The following GLG1 variants were observed in gnomAD, a reference collection of about 807,000 sequenced individuals.
The protein encoded by GLG1 is golgi glycoprotein 1, also known as Golgi apparatus protein 1.
In GLG1, 38 loss-of-function variants were observed where a neutral mutation model predicts 160.5. That is an observed-to-expected ratio of 0.24 (90% CI 0.18 to 0.31). The LOEUF (loss-of-function observed/expected upper bound fraction) is 0.31, where lower values mean the gene tolerates loss of function less well. Among genes scored for constraint, GLG1 ranks in the 10% least tolerant of loss-of-function variants. GLG1 has a pLI of 1.00. For missense variants in GLG1, 1,373 were observed against 1,505.2 expected (o/e 0.91, Z 1.45); for synonymous variants, 644 against 543.4 (o/e 1.19, Z -2.57).
intron 4 of GLG1, among the ~76,000 whole-genome samples, chr16:74,502,906 G>A (rs1417088858): frequency 6.7e-6 from 1 of 150,334 alleles, no homozygotes; most frequent in Non-Finnish European, 1.5e-5. Context: ...GACATATGCA[G>A]AGAAAGATTA....
At chr16:74,498,434 A>AC (rs71158520) in intron 4 of GLG1, among the ~76,000 whole-genome samples, 1 of 11,632 alleles carries the variant, frequency 8.6e-5, no homozygotes, top group Non-Finnish European at 1.6e-4. Flanking sequence ...GCTCTGTCTC[A>AC]AAAAAAAAAA....
Position 74,496,581 on chromosome 16 carries a change from C to T in GLG1, c.838G>A (p.Glu280Lys). ...LEKGLVKEAE[E>K]REPKIQVSEL... is the part of the protein sequence containing the mutation. ...GAAACTTGAATCTTGGGTTCTCTTTCTTCTGCTTCTTTCACCAGGCCTTTC... is the reference window on the plus strand; with the variant it reads ...GAAACTTGAATCTTGGGTTCTCTTTTTTCTGCTTCTTTCACCAGGCCTTTC... Residue 280 changes from glutamate (E) to lysine (K), a missense_variant, in exon 5 of 26, where the codon GAA (glutamate) becomes AAA (lysine). Glu to Lys is a moderately conservative substitution (Grantham distance 56). Transcript: ENST00000422840. 1.2e-6 allele frequency: 2 copies of T among 1,613,526 alleles called. No homozygotes were observed. The highest frequency in any genetic ancestry group is 8.5e-7 in the Non-Finnish European group (1 of 1,179,560).
chr16:74,567,419 T>C (rs938042732), intron 1 of GLG1, among the ~76,000 whole-genome samples: 1 of 152,168 alleles, frequency 6.6e-6, no homozygotes, highest in Non-Finnish European at 1.5e-5. Flanking sequence ...ATTCTAATGA[T>C]AGAAGCAAAT....
At position 74,534,338 on chromosome 16, in the gene GLG1, T is replaced by C. The variant is rs564369344; in HGVS notation, c.439-2185A>G. Among the ~76,000 whole-genome samples, 4 of 151,804 alleles carry C rather than the reference T, an allele frequency of 2.6e-5. No homozygotes were observed. In the East Asian group the frequency reaches 5.8e-4, roughly 22 times the overall value. On this transcript the variant is annotated intron_variant, in intron 1 of 25. Transcript: ENST00000422840. ...GAATGCTTTTTCTTAGACAGTTTTC[T>C]ACACTATCCTTTTAAAATCTATCCT...
rs533005185 is a variant in GLG1, at chr16:74,599,366, C to T, written c.438+7291G>A. Among the ~76,000 whole-genome samples the T allele has an allele frequency of 3.9e-5, 6 of 152,304 alleles. No individual in the cohort carries two copies. In the South Asian group the frequency reaches 6.2e-4, roughly 16 times the overall value. On this transcript the variant is annotated intron_variant, in intron 1 of 25. Coordinates refer to ENST00000422840, the MANE Select transcript of GLG1 (RefSeq NM_001145667.2). Reference sequence around the variant, plus strand: ...ACCTGTGCTACGACTCTCTTGCACACGTTTTGTATTCCCACAGATCACAAA... The same window carrying T: ...ACCTGTGCTACGACTCTCTTGCACATGTTTTGTATTCCCACAGATCACAAA...
At chr16:74,597,248 T>C (rs763602727) in intron 1 of GLG1, among the ~76,000 whole-genome samples, 1 of 149,624 alleles carries the variant, frequency 6.7e-6, no homozygotes, top group Non-Finnish European at 1.5e-5. Flanking sequence ...ATGTCCAACA[T>C]GGCGAAACCC....
At chr16:74,469,537 A>T (rs529479314) in intron 16 of GLG1, 27 of 184,100 alleles carry the variant, frequency 1.5e-4, no homozygotes, top group Admixed American at 1.1e-3. Flanking sequence ...GAAAAAGCTC[A>T]TCAGTTTCCT....
At chr16:74,478,323 A>C (rs370859836) in intron 11 of GLG1, among the ~76,000 whole-genome samples, 2 of 152,194 alleles carry the variant, frequency 1.3e-5, no homozygotes, top group African/African-American at 2.4e-5. Flanking sequence ...TAGATATAAC[A>C]TTATGAGATA....
At chr16:74,482,049 A>G (rs1000309608) in intron 10 of GLG1, among the ~76,000 whole-genome samples, 2 of 151,764 alleles carry the variant, frequency 1.3e-5, no homozygotes, top group African/African-American at 2.4e-5. Flanking sequence ...CGGACTCCCA[A>G]AGTGCTGGGA....
intron 1 of GLG1, among the ~76,000 whole-genome samples, chr16:74,544,532 A>C (rs1284194931): frequency 2.0e-5 from 3 of 151,192 alleles, no homozygotes; most frequent in Non-Finnish European, 4.4e-5. Flanking sequence ...TTTGAAATGG[A>C]GTCTCACTCT....
intron 1 of GLG1, among the ~76,000 whole-genome samples, chr16:74,559,482 T>TG (rs1327988989): frequency 5.5e-5 from 6 of 108,660 alleles, no homozygotes; most frequent in South Asian, 3.1e-4. Flanking sequence ...GGAGGGGCGA[T>TG]GGGGGGGCAG....
chr16:74,474,920 GC>G (rs1195821011), intron 12 of GLG1, among the ~76,000 whole-genome samples: 1 of 152,114 alleles, frequency 6.6e-6, no homozygotes, highest in Non-Finnish European at 1.5e-5. Flanking sequence ...ACTTTGGGAG[GC>G]TGAAGTGGGC....
intron 3 of GLG1, among the ~76,000 whole-genome samples, chr16:74,505,612 T>C (rs2016568395): frequency 6.6e-6 from 1 of 152,190 alleles, no homozygotes; most frequent in African/African-American, 2.4e-5. Context: ...CCTAGCACTT[T>C]GGGAGGCTGA....
At chr16:74,462,828 G>C in intron 20 of GLG1, 198 bp from the exon 21 acceptor site, 1 of 591,276 alleles carries the variant, frequency 1.7e-6, no homozygotes, top group Non-Finnish European at 3.0e-6. Flanking sequence ...AGTACTTCTG[G>C]AGGTCCTCAG....
intron 2 of GLG1, among the ~76,000 whole-genome samples, chr16:74,509,354 C>T (rs779323124): frequency 1.3e-5 from 2 of 151,530 alleles, no homozygotes; most frequent in Non-Finnish European, 2.9e-5. Context: ...AATTAAGATC[C>T]TTGGTAAGGT....
In GLG1 at chr16:74,457,944, C is replaced by G. The variant is rs202048233; in HGVS notation, c.3195G>C (p.Pro1065=). Residue 1065 remains proline, a synonymous_variant, in exon 24 of 26, where the codon CCG becomes CCC. Transcript: ENST00000422840. ...CCAGGGCACAAGCAGTATGAAGTAC[C>G]GGGTCAACAAAGATGTCTGCTTTGC... ...KESKADIFVD[P]VLHTACALDI... The G allele has an allele frequency of 6.2e-6, 10 of 1,613,668 alleles. No individual in the cohort carries two copies. The highest frequency in any genetic ancestry group is 8.5e-6 in the Non-Finnish European group (10 of 1,179,614).
Position 74,467,776 on chromosome 16 carries a change from C to G in GLG1, c.2509G>C (p.Val837Leu), listed in dbSNP as rs1397066757. The G allele has an allele frequency of 1.2e-6, 2 of 1,611,446 alleles. No homozygotes were observed. Among genetic ancestry groups the G allele is most frequent in the Non-Finnish European group, 1.7e-6 (2 of 1,177,656 alleles). The change falls in exon 18 of 26, where the codon GTG (valine) becomes CTG (leucine). Residue 837 changes from valine to leucine, a missense_variant. Val to Leu is a conservative substitution (Grantham distance 32). Transcript: ENST00000422840. The stretch of plus-strand genomic sequence containing the variant: ...GTTACCTGAGCGTTGCCATATTGCA[C>G]AGCGGAACAGAAGTTTTTGATGTCA... ...KSDIKNFCSA[V>L]QYGNAQIIEC...
Position 74,512,682 on chromosome 16 carries a change from GA to G in GLG1, c.472-3758del, listed in dbSNP as rs1200362358. Among the ~76,000 whole-genome samples, 505 of 131,114 alleles carry G rather than the reference GA, an allele frequency of 3.9e-3. 4 individuals are homozygous for G. Among genetic ancestry groups the G allele is most frequent in the South Asian group, 0.019 (79 of 4,094 alleles). 86.0% of individuals were successfully genotyped at this position (131,114 alleles called of 152,430 possible). ...ATGGGGATGAGAAAGGTGAAGGAAG[GA>G]AAAAAAAAAAAAGACCATTGTCTCA... On this transcript the variant is annotated intron_variant, in intron 2 of 25. Coordinates refer to ENST00000422840, the MANE Select transcript of GLG1 (RefSeq NM_001145667.2).
Position 74,513,090 on chromosome 16 carries a change from G to A in GLG1, c.472-4165C>T, listed in dbSNP as rs543900395. Among the ~76,000 whole-genome samples, 338 of 152,256 alleles carry A rather than the reference G, an allele frequency of 2.2e-3. 1 individual carries two copies. The highest frequency in any genetic ancestry group is 3.9e-3 in the Non-Finnish European group (268 of 68,014). On this transcript the variant is annotated intron_variant, in intron 2 of 25. Transcript: ENST00000422840. The stretch of plus-strand genomic sequence containing the variant: ...CAGGGGTCAGATCACATTGAATACC[G>A]CAGTTCATATTAAAGGTTTTGAATT...
Sources: gnomAD v4.1 joint callset for allele counts (sites outside exome capture counted in the v4.1 genomes callset) on GRCh38, gnomAD v4.1.1 for gene constraint, MANE v1.5 for transcripts, NCBI Gene and HGNC (gene_info 2026-07-23, HGNC 2026-07-21) for gene names.